The following TENM3 variants were observed in gnomAD, a reference collection of about 807,000 sequenced individuals.
TENM3 encodes the protein teneurin-3.
In TENM3, 63 loss-of-function variants were observed where a neutral mutation model predicts 255.1. The observed-to-expected ratio is 0.25, with a 90% confidence interval of 0.20 to 0.30. TENM3 has a LOEUF of 0.30. Among genes scored for constraint, TENM3 ranks in the 10% least tolerant of loss-of-function variants. TENM3 has a pLI of 1.00. For missense variants in TENM3, 2,929 were observed against 3,461.1 expected, an observed-to-expected ratio of 0.85 and a Z score of 3.86; for synonymous variants, 1,306 against 1,322.3, an observed-to-expected ratio of 0.99 and a Z score of 0.27.
chr4:181,905,779 C>G, the TENM3 span: 2 of 309,132 alleles, frequency 6.5e-6, no homozygotes, highest in South Asian at 7.5e-5. Context: ...GACAAGTCAA[C>G]TTGAAATGGC....
chr4:182,449,222 G>GGCC (rs1773241507), intron 3 of TENM3: 2 of 165,690 alleles, frequency 1.2e-5, no homozygotes, highest in Non-Finnish European at 2.4e-5. Context: ...CGGCGGCGGC[G>GGCC]GCGGCGGCTC....
chr4:182,223,013 G>C (rs1199602531), intron 1 of TENM3, among the ~76,000 whole-genome samples: 1 of 152,094 alleles, frequency 6.6e-6, no homozygotes, highest in Non-Finnish European at 1.5e-5. Flanking sequence ...TTTGGTCTTG[G>C]TCTGCACAAA....
chr4:181,791,842 C>T, the TENM3 span, among the ~76,000 whole-genome samples: 1 of 152,162 alleles, frequency 6.6e-6, no homozygotes, highest in Non-Finnish European at 1.5e-5. Flanking sequence ...AGTACCAAAA[C>T]ATAAGTAGGC....
At chr4:181,916,527 G>A in the TENM3 span, among the ~76,000 whole-genome samples, 2 of 152,116 alleles carry the variant, frequency 1.3e-5, no homozygotes, top group African/African-American at 4.8e-5. Context: ...TCTAGTAAAA[G>A]GGTTATTGAA....
At chr4:181,879,054 C>T in the TENM3 span, among the ~76,000 whole-genome samples, 1 of 152,108 alleles carries the variant, frequency 6.6e-6, no homozygotes, top group Non-Finnish European at 1.5e-5. Flanking sequence ...GGGATTGCCA[C>T]ATTGGGTAGC....
intron 5 of TENM3, among the ~76,000 whole-genome samples, chr4:182,648,725 G>C (rs1752985109): frequency 6.6e-6 from 1 of 152,200 alleles, no homozygotes; most frequent in African/African-American, 2.4e-5. Context: ...GCCACTACCT[G>C]TTCCTTCCTT....
chr4:182,212,534 T>A (rs893447132), intron 1 of TENM3, among the ~76,000 whole-genome samples: 33 of 144,830 alleles, frequency 2.3e-4, no homozygotes, highest in African/African-American at 3.8e-4. Context: ...AAAAAAAAAA[T>A]TTATGTCAAG....
intron 7 of TENM3, among the ~76,000 whole-genome samples, chr4:182,676,572 T>C (rs959840095): frequency 6.6e-6 from 1 of 152,232 alleles, no homozygotes; most frequent in African/African-American, 2.4e-5. Flanking sequence ...ATTCATAGAT[T>C]CTAAGAACTC....
chr4:182,290,069 C>T (rs981993960), intron 1 of TENM3, among the ~76,000 whole-genome samples: 2 of 152,164 alleles, frequency 1.3e-5, no homozygotes, highest in Admixed American at 6.5e-5. Flanking sequence ...CCTTCCTCAC[C>T]GGGGCTAATC....
rs6842610 is a variant in TENM3 at position 182,794,072 on chromosome 4, T to G, written c.7213+187T>G. On this transcript the variant is annotated intron_variant, in intron 26 of 27. Coordinates refer to ENST00000511685, the MANE Select transcript of TENM3 (RefSeq NM_001080477.4). ...AATCACAAAGGGAAAATGAGACATA[T>G]TTACTTCCTATTCTGCCTGCCATTG... Among the ~76,000 whole-genome samples, 44,190 of 152,084 alleles carry G rather than the reference T, an allele frequency of 0.29. 6,570 individuals are homozygous for G. The highest frequency in any genetic ancestry group is 0.44 in the East Asian group (2,255 of 5,162).
chr4:181,822,829 A>G, the TENM3 span, among the ~76,000 whole-genome samples: 1 of 152,184 alleles, frequency 6.6e-6, no homozygotes, highest in Non-Finnish European at 1.5e-5. Context: ...TCCAGGTTTA[A>G]TTTTGGGCAA....
intron 1 of TENM3, among the ~76,000 whole-genome samples, chr4:182,152,449 A>G (rs1750410008): frequency 6.6e-6 from 1 of 151,926 alleles, no homozygotes. Flanking sequence ...AATAATTTTT[A>G]TGCTTCCTTA....
intron 3 of TENM3, among the ~76,000 whole-genome samples, chr4:182,410,499 G>A (rs1580447847): frequency 6.6e-6 from 1 of 152,332 alleles, no homozygotes; most frequent in East Asian, 1.9e-4. Flanking sequence ...CTAAGGAGTA[G>A]CTCTCGGCTG....
chr4:181,904,732 C>T, the TENM3 span, among the ~76,000 whole-genome samples: 3 of 152,104 alleles, frequency 2.0e-5, no homozygotes, highest in South Asian at 2.1e-4. Flanking sequence ...GCTGGAGAAC[C>T]GTCTCTTTGT....
chr4:181,553,258 TAA>T, the TENM3 span, among the ~76,000 whole-genome samples: 2 of 97,570 alleles, frequency 2.0e-5, no homozygotes, highest in South Asian at 7.7e-4. Flanking sequence ...TTATAGTCAT[TAA>T]GTGTGTGTGT....
chr4:181,719,545 C>G, the TENM3 span, among the ~76,000 whole-genome samples: 5 of 152,178 alleles, frequency 3.3e-5, no homozygotes, highest in Non-Finnish European at 7.3e-5. Context: ...ACGGTGGAAG[C>G]GCAAAAGGGC....
chr4:181,785,699 TC>T, the TENM3 span, among the ~76,000 whole-genome samples: 1 of 151,240 alleles, frequency 6.6e-6, no homozygotes, highest in Non-Finnish European at 1.5e-5. Flanking sequence ...AAAATCTGCC[TC>T]CCCCCAACCC....
chr4:181,673,716 C>T, the TENM3 span, among the ~76,000 whole-genome samples: 1 of 152,062 alleles, frequency 6.6e-6, no homozygotes, highest in Non-Finnish European at 1.5e-5. Flanking sequence ...TTATTTCATA[C>T]TATTGTTTGT....
At chr4:182,024,973 A>G in the TENM3 span, among the ~76,000 whole-genome samples, 4 of 150,910 alleles carry the variant, frequency 2.7e-5, no homozygotes, top group Admixed American at 6.6e-5. Context: ...TTCACTTAAC[A>G]TAATGACCTC....
Sources: allele counts gnomAD v4.1 joint callset (sites outside exome capture counted in the v4.1 genomes callset), GRCh38; gene constraint gnomAD v4.1.1; transcripts MANE v1.5; gene names NCBI Gene and HGNC (gene_info 2026-07-23, HGNC 2026-07-21).